The following CNTNAP5 variants were observed in gnomAD, a reference collection of about 807,000 sequenced individuals.
CNTNAP5 encodes contactin associated protein family member 5.
Under a neutral mutation model 150.2 loss-of-function variants are expected in CNTNAP5, and 72 were observed. That is an observed-to-expected ratio of 0.48 (90% CI 0.40 to 0.58). CNTNAP5 has a LOEUF of 0.58. Among genes scored for constraint, CNTNAP5 ranks in the 20% least tolerant of loss-of-function variants. CNTNAP5 has a pLI of 0.00. For missense variants in CNTNAP5, 1,636 were observed against 1,626.2 expected (o/e 1.01, Z -0.10); for synonymous variants, 672 against 619.8 (o/e 1.08, Z -1.25).
chr2:124,316,316 G>A (rs958813964), intron 3 of CNTNAP5, among the ~76,000 whole-genome samples: 13 of 152,268 alleles, frequency 8.5e-5, no homozygotes, highest in African/African-American at 3.1e-4. Flanking sequence ...ATGATTCCAA[G>A]CGAAACCAGA....
At chr2:124,381,538 C>T (rs933539212) in intron 3 of CNTNAP5, among the ~76,000 whole-genome samples, 9 of 152,022 alleles carry the variant, frequency 5.9e-5, no homozygotes, top group African/African-American at 2.2e-4. Flanking sequence ...GATCACCCCC[C>T]CCTCCAAGAC....
chr2:124,175,778 C>T (rs1685050407), intron 1 of CNTNAP5, among the ~76,000 whole-genome samples: 1 of 152,142 alleles, frequency 6.6e-6, no homozygotes, highest in African/African-American at 2.4e-5. Context: ...ATTTTTATGG[C>T]TGCAAAATAT....
intron 13 of CNTNAP5, among the ~76,000 whole-genome samples, chr2:124,718,223 A>T (rs189126257): frequency 6.6e-6 from 1 of 152,344 alleles, no homozygotes; most frequent in East Asian, 1.9e-4. Flanking sequence ...ATACAAAGAT[A>T]AAGTATTATT....
At chr2:124,460,177 T>G (rs1693213360) in intron 6 of CNTNAP5, among the ~76,000 whole-genome samples, 2 of 152,278 alleles carry the variant, frequency 1.3e-5, no homozygotes, top group South Asian at 4.1e-4. Flanking sequence ...CATATAAACA[T>G]TAAAGCACAT....
chr2:124,639,524 A>G (rs893573887), intron 12 of CNTNAP5, among the ~76,000 whole-genome samples: 1 of 152,148 alleles, frequency 6.6e-6, no homozygotes, highest in Non-Finnish European at 1.5e-5. Context: ...ATATCTCTTC[A>G]AAAGACAAAG....
intron 17 of CNTNAP5, among the ~76,000 whole-genome samples, chr2:124,783,152 C>A (rs1409387279): frequency 6.6e-6 from 1 of 152,140 alleles, no homozygotes; most frequent in Non-Finnish European, 1.5e-5. Context: ...TGGTAAAATT[C>A]TGTCTTTTGT....
At chr2:124,746,353 A>C (rs975213032) in intron 13 of CNTNAP5, among the ~76,000 whole-genome samples, 3 of 152,154 alleles carry the variant, frequency 2.0e-5, no homozygotes, top group African/African-American at 7.2e-5. Flanking sequence ...TTTTGTAAAG[A>C]AAAAAATTGA....
chr2:124,098,653 G>A (rs935351477), intron 1 of CNTNAP5, among the ~76,000 whole-genome samples: 4 of 152,138 alleles, frequency 2.6e-5, no homozygotes, highest in Admixed American at 2.6e-4. Flanking sequence ...GGCACAACTA[G>A]TGTTAGATTT....
intron 19 of CNTNAP5, among the ~76,000 whole-genome samples, chr2:124,851,123 G>A (rs1573660367): frequency 6.6e-6 from 1 of 152,182 alleles, no homozygotes; most frequent in Admixed American, 6.5e-5. Context: ...CCAACACTTT[G>A]GGAGGCCGAG....
At chr2:124,888,778 T>G (rs1281747037) in intron 21 of CNTNAP5, among the ~76,000 whole-genome samples, 1 of 152,134 alleles carries the variant, frequency 6.6e-6, no homozygotes, top group Non-Finnish European at 1.5e-5. Flanking sequence ...TTTGCCCTTT[T>G]TTTTTAGTAA....
At chr2:124,712,521 A>T (rs1159522521) in intron 13 of CNTNAP5, among the ~76,000 whole-genome samples, 1 of 152,168 alleles carries the variant, frequency 6.6e-6, no homozygotes, top group Non-Finnish European at 1.5e-5. Flanking sequence ...GTGGAGAAGG[A>T]GCTGCTGCTG....
chr2:124,287,638 G>T (rs1688187358), intron 3 of CNTNAP5, among the ~76,000 whole-genome samples: 1 of 152,060 alleles, frequency 6.6e-6, no homozygotes, highest in South Asian at 2.1e-4. Flanking sequence ...ATATGAGTCT[G>T]GTCCTTCCAA....
At chr2:124,621,027 C>G (rs1349569768) in intron 12 of CNTNAP5, among the ~76,000 whole-genome samples, 1 of 152,148 alleles carries the variant, frequency 6.6e-6, no homozygotes, top group Admixed American at 6.6e-5. Context: ...TCTGCTGGGA[C>G]TCCTTCAATA....
intron 17 of CNTNAP5, among the ~76,000 whole-genome samples, chr2:124,782,017 A>T (rs1681463221): frequency 6.6e-6 from 1 of 152,200 alleles, no homozygotes; most frequent in South Asian, 2.1e-4. Context: ...GCAGTGGAGC[A>T]GTTATATATG....
At position 124,234,324 on chromosome 2, in the gene CNTNAP5, ACAG is replaced by A. The variant is rs1423842376; in HGVS notation, c.188-7873_188-7871del. The stretch of plus-strand genomic sequence containing the variant: ...CTCATTTTATAAGAGAAATTTTACA[ACAG>A]CACTGGCCGATAGAAAATTCTGCAA... On this transcript the variant is annotated intron_variant, in intron 2 of 23. Coordinates refer to ENST00000682447, the MANE Select transcript of CNTNAP5 (RefSeq NM_001367498.1). 5.9e-5 allele frequency among the ~76,000 whole-genome samples: 9 copies of A among 152,324 alleles called. No homozygotes were observed. The South Asian group carries it at 1.9e-3, about 32-fold the overall frequency.
chr2:124,889,746 C>T (rs1678155140), intron 21 of CNTNAP5, among the ~76,000 whole-genome samples: 1 of 151,978 alleles, frequency 6.6e-6, no homozygotes, highest in African/African-American at 2.4e-5. Flanking sequence ...GTAGCAAGTG[C>T]TTTTGGGTTT....
intron 7 of CNTNAP5, among the ~76,000 whole-genome samples, chr2:124,485,506 A>G (rs942670319): frequency 1.3e-5 from 2 of 150,538 alleles, no homozygotes; most frequent in African/African-American, 4.9e-5. Flanking sequence ...CCAGTTACTC[A>G]GGAGGCTGAG....
At chr2:124,858,029 A>T (rs983132749) in intron 19 of CNTNAP5, among the ~76,000 whole-genome samples, 1 of 152,184 alleles carries the variant, frequency 6.6e-6, no homozygotes, top group East Asian at 1.9e-4. Flanking sequence ...AACTCTCAAT[A>T]AATTAGGTAT....
At chr2:124,830,518 A>G (rs1237657905) in intron 19 of CNTNAP5, among the ~76,000 whole-genome samples, 1 of 152,032 alleles carries the variant, frequency 6.6e-6, no homozygotes, top group Non-Finnish European at 1.5e-5. Flanking sequence ...TCAATCAGAC[A>G]CAGGAAGAGT....
Sources: allele counts gnomAD v4.1 joint callset (sites outside exome capture counted in the v4.1 genomes callset), GRCh38; gene constraint gnomAD v4.1.1; transcripts MANE v1.5; gene names NCBI Gene and HGNC (gene_info 2026-07-23, HGNC 2026-07-21).